LRMDA: variants seen among roughly 807,000 people sequenced by gnomAD.
LRMDA encodes leucine rich melanocyte differentiation associated, also known as leucine-rich melanocyte differentiation-associated protein.
Under a neutral mutation model 29.8 loss-of-function variants are expected in LRMDA, and 18 were observed. That is an observed-to-expected ratio of 0.60 (90% CI 0.42 to 0.90). LRMDA has a LOEUF of 0.90. Among genes scored for constraint, LRMDA ranks in the 40% least tolerant of loss-of-function variants. The pLI, the probability that LRMDA is intolerant of heterozygous loss-of-function variation, is 0.00. For missense variants in LRMDA, 273 were observed against 273.9 expected, an observed-to-expected ratio of 1.00 and a Z score of 0.02; for synonymous variants, 125 against 109.4, an observed-to-expected ratio of 1.14 and a Z score of -0.89.
At chr10:75,829,841 C>CTTTTTTTTTTT (rs34025294) in intron 2 of LRMDA, among the ~76,000 whole-genome samples, 1 of 89,472 alleles carries the variant, frequency 1.1e-5, no homozygotes, top group African/African-American at 4.1e-5. Flanking sequence ...GAATAGGCCA[C>CTTTTTTTTTTT]TTTTTTTTTT....
intron 5 of LRMDA, among the ~76,000 whole-genome samples, chr10:76,316,433 C>G (rs372744014): frequency 6.6e-6 from 1 of 152,224 alleles, no homozygotes; most frequent in Non-Finnish European, 1.5e-5. Context: ...CCTTGCCACT[C>G]CATGCCTGGC....
intron 2 of LRMDA, among the ~76,000 whole-genome samples, chr10:76,024,340 G>C (rs1041973981): frequency 6.6e-6 from 1 of 152,186 alleles, no homozygotes; most frequent in Admixed American, 6.5e-5. Context: ...AACATTGTTA[G>C]GTGCTAGTAC....
intron 2 of LRMDA, among the ~76,000 whole-genome samples, chr10:75,873,912 G>A (rs1845153501): frequency 6.6e-6 from 1 of 152,190 alleles, no homozygotes; most frequent in Non-Finnish European, 1.5e-5. Flanking sequence ...GAAGATTCCA[G>A]GTAAGGGTAG....
chr10:75,858,218 A>C (rs1366800663), intron 2 of LRMDA, among the ~76,000 whole-genome samples: 1 of 152,104 alleles, frequency 6.6e-6, no homozygotes, highest in African/African-American at 2.4e-5. Flanking sequence ...CCACATGGGG[A>C]CCCTGTATCA....
chr10:76,276,079 C>CTCTT lies in LRMDA; in HGVS notation c.517-48308_517-48305dup, dbSNP rs112719416. Among the ~76,000 whole-genome samples, 323 of 151,012 alleles carry CTCTT rather than the reference C, an allele frequency of 2.1e-3. 2 individuals carry two copies. Among genetic ancestry groups the CTCTT allele is most frequent in the African/African-American group, 7.2e-3 (294 of 41,116 alleles). ...TCTTTCTTTCTCTCTTTCTTTCTCT[C>CTCTT]TCTTTCTTTCTTTCTTTTGTTAATT... On this transcript the variant is annotated intron_variant, in intron 5 of 6. Coordinates refer to ENST00000611255, the MANE Select transcript of LRMDA (RefSeq NM_001305581.2).
chr10:76,257,874 G>A (rs74150564), intron 5 of LRMDA, among the ~76,000 whole-genome samples: 1 of 152,082 alleles, frequency 6.6e-6, no homozygotes, highest in Non-Finnish European at 1.5e-5. Flanking sequence ...ACATGTCTGG[G>A]GCTCAGTTGA....
chr10:76,048,137 A>G (rs1848471079), intron 4 of LRMDA, among the ~76,000 whole-genome samples: 1 of 152,112 alleles, frequency 6.6e-6, no homozygotes, highest in Non-Finnish European at 1.5e-5. Context: ...CTCATTAAAC[A>G]CCCCACCTGA....
At chr10:76,123,521 C>G (rs1429126231) in intron 5 of LRMDA, among the ~76,000 whole-genome samples, 1 of 152,064 alleles carries the variant, frequency 6.6e-6, no homozygotes, top group Non-Finnish European at 1.5e-5. Flanking sequence ...AACACAAAAA[C>G]AAAAACAAAA....
rs576380150 is a variant in LRMDA, at chr10:75,889,526, G to GGATC, written c.132-146481_132-146478dup. Among the ~76,000 whole-genome samples, 359 of 152,168 alleles carry GGATC rather than the reference G, an allele frequency of 2.4e-3. 5 individuals carry two copies. The highest frequency in any genetic ancestry group is 8.0e-3 in the African/African-American group (333 of 41,506). ...GCAATGGATTATTATTTTTTTTCCA[G>GGATC]GATCAAACTTTGGTATTAAATCATG... On this transcript the variant is annotated intron_variant, in intron 2 of 6. Transcript: ENST00000611255.
At chr10:76,437,437 GT>G (rs1842256904) in intron 6 of LRMDA, 1 of 152,178 alleles carries the variant, frequency 6.6e-6, no homozygotes, top group Non-Finnish European at 1.5e-5. Context: ...TTATTGTTTT[GT>G]TTTGATTGTT....
chr10:75,761,906 T>C (rs1428197797), intron 2 of LRMDA, among the ~76,000 whole-genome samples: 1 of 150,838 alleles, frequency 6.6e-6, no homozygotes, highest in Non-Finnish European at 1.5e-5. Context: ...GCTCAAGTGA[T>C]CCCCCCACCT....
At chr10:75,595,714 A>G (rs1243615679) in intron 2 of LRMDA, among the ~76,000 whole-genome samples, 1 of 151,710 alleles carries the variant, frequency 6.6e-6, no homozygotes, top group African/African-American at 2.4e-5. Flanking sequence ...AAATTAATAT[A>G]TATATTTTTA....
chr10:76,277,873 T>C (rs1840155560), intron 5 of LRMDA, among the ~76,000 whole-genome samples: 1 of 152,228 alleles, frequency 6.6e-6, no homozygotes, highest in Non-Finnish European at 1.5e-5. Context: ...TTCTCTCATC[T>C]GACATTCTGT....
At chr10:75,641,863 A>AT (rs1841457531) in intron 2 of LRMDA, among the ~76,000 whole-genome samples, 1 of 152,224 alleles carries the variant, frequency 6.6e-6, no homozygotes, top group Non-Finnish European at 1.5e-5. Context: ...CTCAGGCAAC[A>AT]TAGCAAGACC....
At chr10:75,468,518 C>T (rs752972869) in intron 2 of LRMDA, among the ~76,000 whole-genome samples, 11 of 152,160 alleles carry the variant, frequency 7.2e-5, no homozygotes, top group Non-Finnish European at 1.5e-4. Context: ...CAGTAGACTC[C>T]CCTTTGCTGT....
intron 5 of LRMDA, among the ~76,000 whole-genome samples, chr10:76,090,640 GATGA>G (rs1316597959): frequency 6.6e-6 from 1 of 152,190 alleles, no homozygotes; most frequent in Non-Finnish European, 1.5e-5. Context: ...ACTATTGACA[GATGA>G]ATGGAGAAAC....
At chr10:76,338,902 T>A (rs961322436) in intron 6 of LRMDA, among the ~76,000 whole-genome samples, 1 of 152,134 alleles carries the variant, frequency 6.6e-6, no homozygotes, top group African/African-American at 2.4e-5. Flanking sequence ...TGTATAACTA[T>A]GAAGATATAA....
intron 2 of LRMDA, among the ~76,000 whole-genome samples, chr10:75,692,597 G>A (rs375814375): frequency 1.4e-5 from 2 of 139,128 alleles, no homozygotes; most frequent in South Asian, 2.3e-4. Flanking sequence ...GTGTGTGTGT[G>A]TGTGTGTGTA....
intron 2 of LRMDA, chr10:75,552,569 C>A (rs1840165935): frequency 2.1e-6 from 1 of 480,048 alleles, no homozygotes; most frequent in East Asian, 6.3e-5. Context: ...ACCCCTCATC[C>A]CCTACTTGGG....
Sources: gnomAD v4.1 joint callset for allele counts (sites outside exome capture counted in the v4.1 genomes callset) on GRCh38, gnomAD v4.1.1 for gene constraint, MANE v1.5 for transcripts, NCBI Gene and HGNC (gene_info 2026-07-23, HGNC 2026-07-21) for gene names.